The following ZGPAT variants were observed in gnomAD, a reference collection of about 807,000 sequenced individuals.
ZGPAT encodes the protein zinc finger CCCH-type with G patch domain-containing protein.
ZGPAT carries 39 observed loss-of-function variants against 47.9 expected under a neutral mutation model. The observed-to-expected ratio is 0.81, with a 90% CI of 0.63 to 1.06. ZGPAT has a LOEUF of 1.06. Among genes scored for constraint, ZGPAT ranks in the 50% least tolerant of loss-of-function variants. The pLI, the probability that ZGPAT is intolerant of heterozygous loss-of-function variation, is 0.00. For synonymous variants in ZGPAT, 348 were observed against 292.9 expected (o/e 1.19, Z -1.92); for missense variants, 717 against 681.4 (o/e 1.05, Z -0.58).
chr20:63,714,129 A>G (rs970190599), intron 2 of ZGPAT, among the ~76,000 whole-genome samples: 1 of 152,052 alleles, frequency 6.6e-6, no homozygotes, highest in African/African-American at 2.4e-5. Flanking sequence ...ATGTTGAATA[A>G]AAGTGACTAG....
chr20:63,735,138 G>T, intron 5 of ZGPAT, 21 bp from the exon 6 acceptor site: 1 of 1,499,416 alleles, frequency 6.7e-7, no homozygotes, highest in Non-Finnish European at 8.9e-7. Flanking sequence ...CCACAGCACT[G>T]CCATCCCCGT....
chr20:63,723,965 G>T, intron 2 of ZGPAT, among the ~76,000 whole-genome samples: 1 of 152,132 alleles, frequency 6.6e-6, no homozygotes, highest in Non-Finnish European at 1.5e-5. Flanking sequence ...CAGCTATTTG[G>T]GGGAGGATCC....
In ZGPAT at chr20:63,708,073, C is replaced by A. The variant is rs886276966; in HGVS notation, c.-74C>A. On this transcript the variant is annotated 5_prime_UTR_variant, in exon 1 of 7. Transcript: ENST00000355969. ...AGCGGCGGCGCTCGGGAGGAAGTGC[C>A]GATCGGCTGCTGGGGCGAAAAGGGG... is the stretch of plus-strand genomic sequence containing the variant. 5.3e-5 allele frequency: 8 copies of A among 152,194 alleles called. No individual in the cohort carries two copies. Among genetic ancestry groups the A allele is most frequent in the African/African-American group, 1.9e-4 (8 of 41,562 alleles). The allele number at this position is 152,194 out of a possible 1,614,324, so 9.4% of individuals were successfully genotyped here.
intron 2 of ZGPAT, chr20:63,730,047 C>CACACAA (rs1429442930): frequency 4.6e-5 from 7 of 152,034 alleles, no homozygotes; most frequent in South Asian, 2.1e-4. Flanking sequence ...CACACACACA[C>CACACAA]AAAATAATAG....
intron 4 of ZGPAT, 166 bp from the exon 5 acceptor site, chr20:63,734,539 G>A (rs1312793769): frequency 1.5e-6 from 2 of 1,337,302 alleles, no homozygotes. Context: ...CAAGAGGTGG[G>A]GTGTCGTGGC....
At chr20:63,716,786 A>G (rs1171807205) in intron 2 of ZGPAT, among the ~76,000 whole-genome samples, 3 of 152,136 alleles carry the variant, frequency 2.0e-5, no homozygotes, top group Non-Finnish European at 4.4e-5. Context: ...GATTCCAGCA[A>G]TTCTCCTGCC....
chr20:63,733,583 C>T lies in ZGPAT; in HGVS notation c.719-4C>T. 6.2e-7 allele frequency: 1 copy of T among 1,614,162 alleles called. No homozygotes were observed. Among genetic ancestry groups the T allele is most frequent in the Non-Finnish European group, 8.5e-7 (1 of 1,180,044 alleles). On this transcript the variant is annotated splice_region_variant and splice_polypyrimidine_tract_variant and intron_variant, in intron 3 of 6. Transcript: ENST00000355969. Reference sequence around the variant, plus strand: ...TCTGACCTGCAGCTTGTCTCTGCCCCCAGATGTGGACAACGGCTACTACAC... The same window carrying T: ...TCTGACCTGCAGCTTGTCTCTGCCCTCAGATGTGGACAACGGCTACTACAC...
chr20:63,718,242 A>C (rs2091751480), intron 2 of ZGPAT, among the ~76,000 whole-genome samples: 1 of 151,626 alleles, frequency 6.6e-6, no homozygotes, highest in Admixed American at 6.6e-5. Flanking sequence ...AGACATCCTA[A>C]TCTCCCTTTT....
chr20:63,709,236 G>C, intron 2 of ZGPAT, 72 bp downstream of exon 2: 3 of 1,550,592 alleles, frequency 1.9e-6, no homozygotes, highest in Non-Finnish European at 1.8e-6. Flanking sequence ...GGTCAGGATC[G>C]GCCCTCCCTT....
At chr20:63,732,249 G>A (rs532159554) in intron 2 of ZGPAT, among the ~76,000 whole-genome samples, 5 of 151,294 alleles carry the variant, frequency 3.3e-5, no homozygotes, top group Admixed American at 1.3e-4. Context: ...GTGCGTGCAC[G>A]TGTGTGTGGA....
intron 2 of ZGPAT, among the ~76,000 whole-genome samples, chr20:63,732,809 T>C (rs1301068883): frequency 2.1e-5 from 3 of 143,694 alleles, no homozygotes; most frequent in African/African-American, 7.3e-5. Flanking sequence ...TGTTTATGCG[T>C]GTGTATGTGT....
At chr20:63,720,936 T>C (rs760431440) in intron 2 of ZGPAT, among the ~76,000 whole-genome samples, 1 of 152,246 alleles carries the variant, frequency 6.6e-6, no homozygotes, top group Non-Finnish European at 1.5e-5. Context: ...CTCGTTTGTT[T>C]AGTTACTTTC....
intron 2 of ZGPAT, among the ~76,000 whole-genome samples, chr20:63,724,974 T>C (rs1039253873): frequency 2.7e-5 from 4 of 150,806 alleles, no homozygotes; most frequent in African/African-American, 9.7e-5. Flanking sequence ...GCCCAGCCCA[T>C]TTAGAATTTC....
intron 2 of ZGPAT, among the ~76,000 whole-genome samples, chr20:63,709,807 G>T (rs1171687046): frequency 6.6e-6 from 1 of 151,706 alleles, no homozygotes; most frequent in African/African-American, 2.4e-5. Context: ...GCCCCCCTAG[G>T]AGCTGGGCTA....
intron 2 of ZGPAT, among the ~76,000 whole-genome samples, chr20:63,724,214 A>C (rs1601332012): frequency 6.6e-6 from 1 of 152,030 alleles, no homozygotes; most frequent in East Asian, 1.9e-4. Context: ...AAAAATACAA[A>C]AAGTAGCCGG....
chr20:63,730,402 C>G (rs796290338), intron 2 of ZGPAT: 1 of 152,366 alleles, frequency 6.6e-6, no homozygotes, highest in African/African-American at 2.4e-5. Flanking sequence ...AATCCCTGTT[C>G]CACCTCACTC....
rs540416144 is a variant in ZGPAT at position 63,708,909 on chromosome 20, G to C, written c.329G>C (p.Gly110Ala). The C allele has an allele frequency of 6.2e-7, 1 of 1,612,202 alleles. No homozygotes were observed. Among genetic ancestry groups the C allele is most frequent in the Admixed American group, 1.7e-5 (1 of 59,986 alleles). ...GAGACCGTTCCTAAAGCAGAGGCGG[G>C]GCCAGAATCTGCGGCAGGTGGGCAG... ...GSETVPKAEA[G>A]PESAAGGQEE... Residue 110 changes from glycine to alanine, a missense_variant, in exon 2 of 7, where the codon GGG (glycine) becomes GCG (alanine). Physicochemically the swap from Gly to Ala is moderately conservative, Grantham distance 60. Transcript: ENST00000355969.
intron 2 of ZGPAT, chr20:63,730,172 G>A (rs895182951): frequency 1.3e-5 from 2 of 152,146 alleles, no homozygotes; most frequent in African/African-American, 2.4e-5. Flanking sequence ...GTATTTAATC[G>A]AATTCACTCT....
At chr20:63,734,605 T>A in intron 4 of ZGPAT, 100 bp from the exon 5 acceptor site, 6 of 1,554,062 alleles carry the variant, frequency 3.9e-6, no homozygotes, top group Non-Finnish European at 5.2e-6. Context: ...CACAATCCTC[T>A]GGCCTGGCTG....
Sources: allele counts gnomAD v4.1 joint callset (sites outside exome capture counted in the v4.1 genomes callset), GRCh38; gene constraint gnomAD v4.1.1; transcripts MANE v1.5; gene names NCBI Gene and HGNC (gene_info 2026-07-23, HGNC 2026-07-21).